Variants in TRIM48 observed in about 807,000 individuals in gnomAD.
The protein encoded by TRIM48 is E3 ubiquitin-protein ligase TRIM48.
A neutral mutation model predicts 29.5 loss-of-function variants in TRIM48; 31 were observed. The ratio of observed to expected loss-of-function variants is 1.05; its 90% CI spans 0.79 to 1.42. The LOEUF is 1.42. Ranked by LOEUF, TRIM48 falls within the 40% of genes most tolerant of loss-of-function variation. TRIM48 has a pLI of 0.00. For missense variants in TRIM48, 344 were observed against 265.0 expected (o/e 1.30, Z -2.07); for synonymous variants, 128 against 90.6 (o/e 1.41, Z -2.34).
At chr11:55,267,112 C>T (rs1340367494) in intron 3 of TRIM48, among the ~76,000 whole-genome samples, 1 of 147,972 alleles carries the variant, frequency 6.8e-6, no homozygotes, top group Non-Finnish European at 1.5e-5. Flanking sequence ...TAAGCATGAA[C>T]TATTCTTACT....
rs61894896 is a variant in TRIM48 at position 55,270,909 on chromosome 11, A to G, written c.*474A>G. On this transcript the variant is annotated 3_prime_UTR_variant, in exon 6 of 6. Transcript: ENST00000417545. ...ATTGCTCCTTCTCACTTCCTCTCAG[A>G]CCTATCTTTTTCTGTATTCTCCTCT... 101,855 of 1,556,740 alleles carry G rather than the reference A, an allele frequency of 0.065. 12,692 individuals are homozygous for G. The highest frequency in any genetic ancestry group is 0.071 in the Non-Finnish European group (81,406 of 1,145,008).
chr11:55,267,108 T>A (rs574338670), intron 3 of TRIM48, among the ~76,000 whole-genome samples: 2 of 148,150 alleles, frequency 1.3e-5, no homozygotes, highest in Non-Finnish European at 3.0e-5. Flanking sequence ...CTCTTAAGCA[T>A]GAACTATTCT....
rs761823404 is a variant in TRIM48, at chr11:55,270,957, T to A, written c.*522T>A. The A allele has an allele frequency of 1.6e-4, 248 of 1,547,086 alleles. 25 individuals are homozygous for A. The highest frequency in any genetic ancestry group is 1.9e-4 in the Non-Finnish European group (220 of 1,142,290). ...TCTGACCAGAGACAAATCAGAAATG[T>A]GTTCATCTGCTGTGGGAACCCCTTT... On this transcript the variant is annotated 3_prime_UTR_variant, in exon 6 of 6. Coordinates refer to ENST00000417545, the MANE Select transcript of TRIM48 (RefSeq NM_024114.5).
Position 55,267,478 on chromosome 11 carries a change from A to T in TRIM48, c.556-872A>T. On this transcript the variant is annotated intron_variant, in intron 3 of 5. Coordinates refer to ENST00000417545, the MANE Select transcript of TRIM48 (RefSeq NM_024114.5). ...AGATGCCTGCATTTCATCATGAAGAAGAAAAACATAATTTGGAGATGCTGA... is the reference window on the plus strand; with the variant it reads ...AGATGCCTGCATTTCATCATGAAGATGAAAAACATAATTTGGAGATGCTGA... The T allele has an allele frequency of 2.5e-6, 4 of 1,579,816 alleles. 1 individual carries two copies. Among genetic ancestry groups the T allele is most frequent in the Non-Finnish European group, 3.4e-6 (4 of 1,163,678 alleles).
chr11:55,268,857 C>A (rs188670957), intron 4 of TRIM48, among the ~76,000 whole-genome samples: 5 of 148,180 alleles, frequency 3.4e-5, no homozygotes, highest in Admixed American at 2.7e-4. Flanking sequence ...ACAAGTTTCA[C>A]ATTCTTTATC....
intron 3 of TRIM48, among the ~76,000 whole-genome samples, chr11:55,267,178 CA>C (rs1331305186): frequency 6.8e-6 from 1 of 146,420 alleles, no homozygotes; most frequent in African/African-American, 2.5e-5. Context: ...TTTTTATTTC[CA>C]ACTATCTTAG....
intron 3 of TRIM48, chr11:55,267,560 C>A: frequency 6.4e-7 from 1 of 1,567,668 alleles, no homozygotes; most frequent in Non-Finnish European, 8.7e-7. Flanking sequence ...CAAAATGGCT[C>A]ATAGGAGGGA....
At chr11:55,264,760 T>A in intron 1 of TRIM48, 140 bp from the exon 2 acceptor site, 1 of 1,379,848 alleles carries the variant, frequency 7.2e-7, no homozygotes, top group Non-Finnish European at 9.9e-7. Context: ...GATTTTTATT[T>A]TTGTTACAGA....
In TRIM48 at chr11:55,263,784, G is replaced by T. The variant is rs116265325; in HGVS notation, c.45-1116G>T. Among the ~76,000 whole-genome samples the T allele has an allele frequency of 9.9e-3, 1,507 of 152,302 alleles. 20 individuals are homozygous for T. The highest frequency in any genetic ancestry group is 0.034 in the African/African-American group (1,416 of 41,560). On this transcript the variant is annotated intron_variant, in intron 1 of 5. Transcript: ENST00000417545. ...ATTCGTTTGCTTGATTATGGAGTCTGAGCAGTTCCAAATATAGGCTGTCTT... is the reference window on the plus strand; with the variant it reads ...ATTCGTTTGCTTGATTATGGAGTCTTAGCAGTTCCAAATATAGGCTGTCTT...
rs1197142791 is a variant in TRIM48 at position 55,269,601 on chromosome 11, T to TA, written c.*1+268dup. On this transcript the variant is annotated intron_variant, in intron 5 of 5. Transcript: ENST00000417545. ...GAAAAAAGGAGTAGTGTAGCAAATC[T>TA]AAAAAAGGAGCAAATGGAACAATGC... 2.0e-5 allele frequency among the ~76,000 whole-genome samples: 3 copies of TA among 147,390 alleles called. 1 individual carries two copies. Among genetic ancestry groups the TA allele is most frequent in the Non-Finnish European group, 1.5e-5 (1 of 66,834 alleles).
intron 3 of TRIM48, among the ~76,000 whole-genome samples, chr11:55,267,251 T>C (rs1590622237): frequency 6.8e-6 from 1 of 147,786 alleles, no homozygotes; most frequent in East Asian, 2.2e-4. Context: ...TTGATCTTTA[T>C]GCAGAAAGAA....
chr11:55,270,477 C>G lies in TRIM48; in HGVS notation c.*42C>G. On this transcript the variant is annotated 3_prime_UTR_variant, in exon 6 of 6. Coordinates refer to ENST00000417545, the MANE Select transcript of TRIM48 (RefSeq NM_024114.5). ...ATCACAATGAAGCCAACAGTCATAT[C>G]TTCCGATGTGGAGATTTGAGAAGCA... The G allele has an allele frequency of 1.3e-6, 2 of 1,559,080 alleles. No homozygotes were observed. The highest frequency in any genetic ancestry group is 1.7e-6 in the Non-Finnish European group (2 of 1,148,180).
chr11:55,263,275 C>A (rs1309044871), intron 1 of TRIM48, among the ~76,000 whole-genome samples: 1 of 152,052 alleles, frequency 6.6e-6, no homozygotes, highest in East Asian at 1.9e-4. Context: ...AGTCTAGGAG[C>A]AATAGGCTGT....
At position 55,270,833 on chromosome 11, in the gene TRIM48, C is replaced by G. The variant is rs529305176; in HGVS notation, c.*398C>G. 5 of 1,573,122 alleles carry G rather than the reference C, an allele frequency of 3.2e-6. No individual in the cohort carries two copies. In the Admixed American group the frequency reaches 8.6e-5, roughly 27 times the overall value. On this transcript the variant is annotated 3_prime_UTR_variant, in exon 6 of 6. Transcript: ENST00000417545. Reference sequence around the variant, plus strand: ...TTATTCCTGGATTGTGAAGCTAGAACTGTGAGCTTCGTTGATGTTAGTCAA... The same window carrying G: ...TTATTCCTGGATTGTGAAGCTAGAAGTGTGAGCTTCGTTGATGTTAGTCAA...
Position 55,266,841 on chromosome 11 carries a change from G to A in TRIM48, c.555+1146G>A, listed in dbSNP as rs1857401233. ...ATTTTGAGTTTGTGTATATTTGGAG[G>A]CCTGGGGAACCAAAGAAGTCTATGT... On this transcript the variant is annotated intron_variant, in intron 3 of 5. Transcript: ENST00000417545. Among the ~76,000 whole-genome samples, 2 of 147,312 alleles carry A rather than the reference G, an allele frequency of 1.4e-5. 1 individual carries two copies. The highest frequency in any genetic ancestry group is 3.0e-5 in the Non-Finnish European group (2 of 66,770).
At chr11:55,270,290 T>C in intron 5 of TRIM48, 147 bp from the exon 6 acceptor site, 1 of 609,460 alleles carries the variant, frequency 1.6e-6, no homozygotes, top group East Asian at 3.4e-5. Context: ...CTATACTTTA[T>C]TAGAAGTTAC....
chr11:55,264,977 C>A lies in TRIM48; in HGVS notation c.122C>A (p.Pro41Gln), dbSNP rs549443392. 3.2e-6 allele frequency: 5 copies of A among 1,584,512 alleles called. No homozygotes were observed. The highest frequency in any genetic ancestry group is 3.6e-4 in the Middle Eastern group (2 of 5,618). ...CPICMNYFID[P>Q]VTIDCGHSFC... Reference sequence around the variant, plus strand: ...ATCTGCATGAACTACTTCATAGACCCGGTCACCATAGACTGTGGGCACAGC... The same window carrying A: ...ATCTGCATGAACTACTTCATAGACCAGGTCACCATAGACTGTGGGCACAGC... The change falls in exon 2 of 6, where the codon CCG (proline) becomes CAG (glutamine). Residue 41 changes from proline (P) to glutamine (Q), a missense_variant. Pro to Gln is a moderately conservative substitution (Grantham distance 76, BLOSUM62 -1). Coordinates refer to ENST00000417545, the MANE Select transcript of TRIM48 (RefSeq NM_024114.5).
In TRIM48 at chr11:55,267,425, C is replaced by A. The variant is rs956869989; in HGVS notation, c.556-925C>A. On this transcript the variant is annotated intron_variant, in intron 3 of 5. Transcript: ENST00000417545. ...ACTGCCGTATTATGTGAATGTAAGG[C>A]TAGAAGCTATTAAAGCTGAGTATCA... 2.3e-5 allele frequency: 36 copies of A among 1,577,496 alleles called. 4 individuals carry two copies. The Admixed American group carries it at 4.6e-4, about 20-fold the overall frequency.
chr11:55,267,745 A>T lies in TRIM48; in HGVS notation c.556-605A>T, dbSNP rs1291982080. The stretch of plus-strand genomic sequence containing the variant: ...ACCTTTATTTCCATGATGTGTTTCC[A>T]AAAACACATTCGCATAACTAATGCT... On this transcript the variant is annotated intron_variant, in intron 3 of 5. Transcript: ENST00000417545. 9.7e-5 allele frequency: 143 copies of T among 1,469,572 alleles called. 16 individuals are homozygous for T. Among genetic ancestry groups the T allele is most frequent in the Non-Finnish European group, 1.3e-4 (142 of 1,098,912 alleles). The allele number at this position is 1,469,572 out of a possible 1,614,324, so 91.0% of individuals were successfully genotyped here.
Sources: allele counts gnomAD v4.1 joint callset (sites outside exome capture counted in the v4.1 genomes callset), GRCh38; gene constraint gnomAD v4.1.1; transcripts MANE v1.5; gene names NCBI Gene and HGNC (gene_info 2026-07-23, HGNC 2026-07-21).